The following CPT1C variants were observed in gnomAD, a reference collection of about 807,000 sequenced individuals.
CPT1C encodes the protein carnitine palmitoyltransferase 1C.
CPT1C carries 61 observed loss-of-function variants against 97.3 expected under a neutral mutation model. The observed-to-expected ratio is 0.63, with a 90% CI of 0.51 to 0.78. The LOEUF is 0.78. Ranked by LOEUF, CPT1C falls within the 30% of genes least tolerant of loss-of-function variation. CPT1C has a pLI of 0.00. For synonymous variants in CPT1C, 469 were observed against 447.2 expected (o/e 1.05, Z -0.61); for missense variants, 975 against 1,065.5 (o/e 0.92, Z 1.18).
intron 4 of CPT1C, among the ~76,000 whole-genome samples, chr19:49,700,022 C>G (rs535477261): frequency 6.6e-6 from 1 of 150,774 alleles, no homozygotes; most frequent in Non-Finnish European, 1.5e-5. Flanking sequence ...CCAAGGCAGG[C>G]GGATCACGAG....
At chr19:49,699,103 A>C (rs1288284381) in intron 4 of CPT1C, among the ~76,000 whole-genome samples, 1 of 152,048 alleles carries the variant, frequency 6.6e-6, no homozygotes, top group East Asian at 1.9e-4. Context: ...ACTCCGTCTC[A>C]ATTAAAAGAA....
chr19:49,703,098 C>A (rs1334359426), intron 7 of CPT1C, among the ~76,000 whole-genome samples: 2 of 150,684 alleles, frequency 1.3e-5, no homozygotes, highest in Non-Finnish European at 3.0e-5. Context: ...CACACACACA[C>A]ACTCATTTCT....
At position 49,713,438 on chromosome 19, in the gene CPT1C, C is replaced by A. The variant is rs1371108356; in HGVS notation, c.2245C>A (p.Gln749Lys). 6.2e-7 allele frequency: 1 copy of A among 1,613,084 alleles called. No individual in the cohort carries two copies. Among genetic ancestry groups the A allele is most frequent in the Non-Finnish European group, 8.5e-7 (1 of 1,179,422 alleles). Residue 749 changes from glutamine to lysine, a missense_variant, in exon 20 of 20, where the codon CAG becomes AAG. Gln to Lys is a moderately conservative substitution (Grantham distance 53). Coordinates refer to ENST00000598293, the MANE Select transcript of CPT1C (RefSeq NM_001199753.2). ...STKTDSHRLG[Q>K]HIEDALLDVA... is the part of the protein sequence containing the mutation. ...CTTCCAGGATTCCCACAGGCTGGGG[C>A]AGCACATTGAGGACGCACTGCTGGA...
rs773887494 is a variant in CPT1C, at chr19:49,710,318, A to C, written c.1567-2A>C. ...TACTCCTCTTCCCTCCTCCTCTGGC[A>C]GATCCACTCCTCCATCTCTCTAGCC... On this transcript the variant is annotated splice_acceptor_variant, in intron 14 of 19. Transcript: ENST00000598293. LOFTEE classifies it high-confidence loss of function. 6.8e-6 allele frequency: 11 copies of C among 1,613,610 alleles called. No homozygotes were observed. Among genetic ancestry groups the C allele is most frequent in the Non-Finnish European group, 9.3e-6 (11 of 1,179,606 alleles).
At chr19:49,695,278 ATTTTTTTT>A (rs947374904) in intron 3 of CPT1C, among the ~76,000 whole-genome samples, 24 of 127,546 alleles carry the variant, frequency 1.9e-4, no homozygotes, top group East Asian at 1.6e-3. Context: ...AAAATGCACA[ATTTTTTTT>A]TTTTTTTTTT....
At chr19:49,703,610 T>G in intron 7 of CPT1C, among the ~76,000 whole-genome samples, 1 of 114,636 alleles carries the variant, frequency 8.7e-6, no homozygotes, top group East Asian at 3.1e-4. Flanking sequence ...CCTTCCTTCC[T>G]TCCTTCCTTC....
intron 14 of CPT1C, among the ~76,000 whole-genome samples, chr19:49,709,494 C>T (rs2083715617): frequency 6.6e-6 from 1 of 151,962 alleles, no homozygotes; most frequent in Non-Finnish European, 1.5e-5. Context: ...TCCCCAACCC[C>T]AGCTTCAACT....
intron 7 of CPT1C, among the ~76,000 whole-genome samples, chr19:49,702,316 A>C (rs1257098835): frequency 6.6e-6 from 1 of 150,450 alleles, no homozygotes; most frequent in African/African-American, 2.4e-5. Flanking sequence ...CCAAAGTTTG[A>C]ACCAGAATTC....
At chr19:49,703,859 C>T (rs569444624) in intron 7 of CPT1C, among the ~76,000 whole-genome samples, 3 of 152,004 alleles carry the variant, frequency 2.0e-5, no homozygotes, top group East Asian at 3.9e-4. Context: ...TCTCAAACTC[C>T]GAGGCTCAAG....
intron 4 of CPT1C, among the ~76,000 whole-genome samples, chr19:49,698,356 C>A (rs904127627): frequency 6.6e-6 from 1 of 151,462 alleles, no homozygotes; most frequent in African/African-American, 2.4e-5. Context: ...CAGAGTGACA[C>A]CCTGTCTCAA....
In CPT1C at chr19:49,691,299, T is replaced by G. The variant is rs1288624136; in HGVS notation, c.-125T>G. ...TCGGGGGGCGGGGGTGGACTCGGGT[T>G]TGGACCCCAGGATCCGATCAGCGGA... On this transcript the variant is annotated 5_prime_UTR_variant, in exon 1 of 20. Transcript: ENST00000598293. 6.6e-6 allele frequency: 1 copy of G among 151,936 alleles called. No individual in the cohort carries two copies. Among genetic ancestry groups the G allele is most frequent in the Non-Finnish European group, 1.5e-5 (1 of 68,038 alleles). The allele number at this position is 151,936 out of a possible 1,614,324, so 9.4% of individuals were successfully genotyped here. A position where few individuals can be genotyped will look rare whatever the true frequency, so the allele number is the denominator to read the frequency against.
At chr19:49,703,119 C>T (rs2083280579) in intron 7 of CPT1C, among the ~76,000 whole-genome samples, 1 of 137,664 alleles carries the variant, frequency 7.3e-6, no homozygotes, top group African/African-American at 2.6e-5. Flanking sequence ...TTCTTCCCTT[C>T]CTTCCCTCCC....
At chr19:49,708,021 AAAAAAAG>A in intron 13 of CPT1C, among the ~76,000 whole-genome samples, 2 of 150,328 alleles carry the variant, frequency 1.3e-5, no homozygotes, top group Non-Finnish European at 3.0e-5. Context: ...AAAAAAAAAA[AAAAAAAG>A]AAAAGAAAAA....
intron 3 of CPT1C, among the ~76,000 whole-genome samples, chr19:49,693,209 C>T (rs916300250): frequency 6.6e-6 from 1 of 152,098 alleles, no homozygotes; most frequent in Non-Finnish European, 1.5e-5. Flanking sequence ...TTCTGGAATG[C>T]GCATGCCCAA....
chr19:49,695,434 C>A (rs956049356), intron 3 of CPT1C, among the ~76,000 whole-genome samples: 1 of 151,700 alleles, frequency 6.6e-6, no homozygotes, highest in African/African-American at 2.4e-5. Flanking sequence ...CAGGTGCCTG[C>A]CACCAGGCCC....
At chr19:49,692,787 C>T (rs967288660) in intron 3 of CPT1C, among the ~76,000 whole-genome samples, 4 of 152,174 alleles carry the variant, frequency 2.6e-5, no homozygotes, top group Non-Finnish European at 5.9e-5. Flanking sequence ...AGTGCAGTGG[C>T]GGGATCTCAG....
At chr19:49,690,724 A>C (rs1361186311), upstream of CPT1C, 1 of 477,340 alleles carries the variant, frequency 2.1e-6, no homozygotes, top group South Asian at 4.5e-5. The surrounding 1 kb of genome is among the most constrained non-coding windows in gnomAD (Gnocchi z 4.4). Flanking sequence ...TTGCCAACTC[A>C]ATCCATGCAC....
chr19:49,713,451 A>G lies in CPT1C; in HGVS notation c.2258A>G (p.Asp753Gly). The G allele has an allele frequency of 2.5e-6, 4 of 1,613,970 alleles. No individual in the cohort carries two copies. The highest frequency in any genetic ancestry group is 3.4e-6 in the Non-Finnish European group (4 of 1,179,880). ...CACAGGCTGGGGCAGCACATTGAGG[A>G]CGCACTGCTGGATGTGGCCTCCCTG... ...DSHRLGQHIE[D>G]ALLDVASLFQ... Residue 753 changes from aspartate to glycine, a missense_variant, in exon 20 of 20, where the codon GAC becomes GGC. Asp to Gly is a moderately conservative substitution (Grantham distance 94). Coordinates refer to ENST00000598293, the MANE Select transcript of CPT1C (RefSeq NM_001199753.2).
chr19:49,705,896 AC>A lies in CPT1C; in HGVS notation c.965-12del. 1.9e-6 allele frequency: 3 copies of A among 1,601,554 alleles called. No individual in the cohort carries two copies. In the South Asian group the frequency reaches 3.3e-5, roughly 18 times the overall value. ...CCTTCCTGCCCCCATGCTTCTGCCA[AC>A]GCCACCCCTAGACTACATCCGCCAC... On this transcript the variant is annotated splice_polypyrimidine_tract_variant and intron_variant, in intron 10 of 19. Coordinates refer to ENST00000598293, the MANE Select transcript of CPT1C (RefSeq NM_001199753.2).
Sources: allele counts gnomAD v4.1 joint callset (sites outside exome capture counted in the v4.1 genomes callset), GRCh38; gene constraint gnomAD v4.1.1; non-coding constraint Gnocchi (gnomAD v3.1); transcripts MANE v1.5; gene names NCBI Gene and HGNC (gene_info 2026-07-23, HGNC 2026-07-21).